CPEB1: variants seen among roughly 807,000 people sequenced by gnomAD.
CPEB1 encodes cytoplasmic polyadenylation element binding protein 1, also known as cytoplasmic polyadenylation element-binding protein 1.
In CPEB1, 7 loss-of-function variants were observed where a neutral mutation model predicts 65.8. The ratio of observed to expected loss-of-function variants is 0.11; its 90% CI spans 0.06 to 0.20. The LOEUF is 0.20. Among genes scored for constraint, CPEB1 ranks in the 10% least tolerant of loss-of-function variants. The pLI is 1.00. For synonymous variants in CPEB1, 262 were observed against 260.0 expected, an observed-to-expected ratio of 1.01 and a Z score of -0.08; for missense variants, 551 against 712.2, an observed-to-expected ratio of 0.77 and a Z score of 2.58.
chr15:82,579,918 CAAAAAAAAAAAAAAAAAAAA>C lies in CPEB1; in HGVS notation c.272-8406_272-8387del, dbSNP rs59925251. Reference sequence around the variant, plus strand: ...TGGGCGACAGAGTGAGACTCCGTCTCAAAAAAAAAAAAAAAAAAAAAAAAAAAAAAAAAAAAAAAGACTCT... The same window carrying C: ...TGGGCGACAGAGTGAGACTCCGTCTCAAAAAAAAAAAAAAAAAAAGACTCT... On this transcript the variant is annotated intron_variant, in intron 3 of 12. Transcript: ENST00000684509. Among the ~76,000 whole-genome samples, 212 of 32,644 alleles carry C rather than the reference CAAAAAAAAAAAAAAAAAAAA, an allele frequency of 6.5e-3. 1 individual carries two copies. Among genetic ancestry groups the C allele is most frequent in the African/African-American group, 0.015 (190 of 12,802 alleles). The allele number at this position is 32,644 out of a possible 152,430, so 21.4% of individuals were successfully genotyped here.
Position 82,544,349 on chromosome 15 carries a change from G to A in CPEB1, c.*243C>T, listed in dbSNP as rs914438531. ...TAAAATCTGGGAAAACTACAGAGTC[G>A]CTTGGAGGGTAAGCCAGAGGGTCCT... On this transcript the variant is annotated 3_prime_UTR_variant, in exon 13 of 13. Coordinates refer to ENST00000684509, the MANE Select transcript of CPEB1 (RefSeq NM_001365242.1). The A allele has an allele frequency of 4.5e-5, 16 of 354,196 alleles. No homozygotes were observed. Among genetic ancestry groups the A allele is most frequent in the Middle Eastern group, 7.8e-4 (1 of 1,288 alleles). The allele number at this position is 354,196 out of a possible 1,614,324, so 21.9% of individuals were successfully genotyped here.
chr15:82,547,288 ACTT>A, intron 10 of CPEB1, 51 bp from the exon 11 acceptor site: 17 of 642,678 alleles, frequency 2.6e-5, no homozygotes, highest in Non-Finnish European at 3.9e-5. Flanking sequence ...CCCAAATGCT[ACTT>A]TTTTTTTTTT....
Position 82,628,470 on chromosome 15 carries a change from G to A in CPEB1, c.-11C>T, listed in dbSNP as rs1461824672. ...AATGCCAGAAAACATATTGACATTA[G>A]ATGATCTGGCAAAAGGGTTCCGATT... On this transcript the variant is annotated 5_prime_UTR_variant, in exon 2 of 13. Coordinates refer to ENST00000684509, the MANE Select transcript of CPEB1 (RefSeq NM_001365242.1). 2.8e-6 allele frequency: 2 copies of A among 702,844 alleles called. No homozygotes were observed. Among genetic ancestry groups the A allele is most frequent in the East Asian group, 5.4e-5 (2 of 37,284 alleles). 43.5% of individuals were successfully genotyped at this position (702,844 alleles called of 1,614,324 possible).
At chr15:82,544,724 G>A in intron 12 of CPEB1, 22 bp from the exon 13 acceptor site, 1 of 1,572,266 alleles carries the variant, frequency 6.4e-7, no homozygotes, top group African/African-American at 1.3e-5. Flanking sequence ...GAACAAAAAG[G>A]AGGATGCCAT....
intron 3 of CPEB1, chr15:82,573,252 A>C: frequency 7.8e-6 from 9 of 1,148,900 alleles, no homozygotes; most frequent in East Asian, 2.7e-5. Context: ...TTTTTTTTAA[A>C]GCTTTGCTGC....
At chr15:82,617,724 GTTTTTTTT>G (rs35267620) in intron 3 of CPEB1, among the ~76,000 whole-genome samples, 197 of 83,838 alleles carry the variant, frequency 2.3e-3, no homozygotes, top group African/African-American at 9.2e-3. Context: ...TTCTATTAAA[GTTTTTTTT>G]TTTTTTTTTT....
chr15:82,590,527 A>G (rs2042164599), intron 3 of CPEB1, among the ~76,000 whole-genome samples: 1 of 152,076 alleles, frequency 6.6e-6, no homozygotes, highest in African/African-American at 2.4e-5. Context: ...TTTTTTTTTA[A>G]GTTCAGCGAT....
intron 4 of CPEB1, among the ~76,000 whole-genome samples, chr15:82,562,629 C>T (rs1398525900): frequency 6.6e-6 from 1 of 151,560 alleles, no homozygotes; most frequent in Non-Finnish European, 1.5e-5. Flanking sequence ...TGCTTGAGAC[C>T]AGGAGTTCAA....
chr15:82,634,389 G>A (rs1230013478), intron 1 of CPEB1, among the ~76,000 whole-genome samples: 2 of 152,138 alleles, frequency 1.3e-5, no homozygotes, highest in African/African-American at 4.8e-5. Context: ...GTGATAGGAT[G>A]GCCATTCTGG....
chr15:82,552,297 TGC>T (rs1264352142), intron 9 of CPEB1, among the ~76,000 whole-genome samples, 181 bp downstream of exon 9: 1 of 137,418 alleles, frequency 7.3e-6, no homozygotes, highest in East Asian at 2.1e-4. Context: ...TCCCAAAGGT[TGC>T]TTTTTTTTTT....
chr15:82,619,777 C>G (rs958927829), intron 3 of CPEB1, among the ~76,000 whole-genome samples: 15 of 152,128 alleles, frequency 9.9e-5, no homozygotes, highest in Admixed American at 7.8e-4. Context: ...AAAGACAATA[C>G]AATTATTGAT....
chr15:82,561,750 G>A (rs147472013), intron 4 of CPEB1, among the ~76,000 whole-genome samples: 2,688 of 152,228 alleles, frequency 0.018, 31 homozygotes, highest in Non-Finnish European at 0.025. Context: ...GCCTACAAAG[G>A]TATCTTGAGG....
At chr15:82,629,181 C>T in intron 1 of CPEB1, 2 of 759,584 alleles carry the variant, frequency 2.6e-6, no homozygotes, top group South Asian at 6.0e-5. Flanking sequence ...TACTTAACCT[C>T]TATCCCTCAG....
rs35946080 is a variant in CPEB1, at chr15:82,544,272, GTTTTTTTTTTTTT to G, written c.*307_*319del. On this transcript the variant is annotated 3_prime_UTR_variant, in exon 13 of 13. Coordinates refer to ENST00000684509, the MANE Select transcript of CPEB1 (RefSeq NM_001365242.1). ...TACCTCAATACCTTCTGGACACGTA[GTTTTTTTTTTTTT>G]TTTTTTTTTCCCCGCTTTTCATCTG... The G allele has an allele frequency of 1.2e-3, 152 of 131,140 alleles. 2 individuals carry two copies. The highest frequency in any genetic ancestry group is 4.7e-3 in the African/African-American group (146 of 31,318). 8.1% of individuals were successfully genotyped at this position (131,140 alleles called of 1,614,324 possible).
At chr15:82,616,269 A>C (rs181814014) in intron 3 of CPEB1, among the ~76,000 whole-genome samples, 2 of 152,034 alleles carry the variant, frequency 1.3e-5, no homozygotes, top group African/African-American at 2.4e-5. Flanking sequence ...TAAACTGTGC[A>C]TTTTCCTCAG....
chr15:82,576,404 C>G (rs983014976), intron 3 of CPEB1, among the ~76,000 whole-genome samples: 2 of 152,160 alleles, frequency 1.3e-5, no homozygotes, highest in Non-Finnish European at 2.9e-5. Flanking sequence ...TCTAATGACA[C>G]ATTTAGAATT....
At chr15:82,630,622 A>G (rs1315392666) in intron 1 of CPEB1, among the ~76,000 whole-genome samples, 1 of 152,004 alleles carries the variant, frequency 6.6e-6, no homozygotes, top group African/African-American at 2.4e-5. Flanking sequence ...AAAAAGAAAG[A>G]AAAAGAACTA....
chr15:82,551,453 G>A (rs1246937590), intron 9 of CPEB1, among the ~76,000 whole-genome samples: 1 of 151,986 alleles, frequency 6.6e-6, no homozygotes, highest in Non-Finnish European at 1.5e-5. Flanking sequence ...GTTCACTCCT[G>A]GTGTTTCTTT....
upstream of CPEB1, chr15:82,648,740 C>G (rs587707316): frequency 6.6e-6 from 1 of 152,308 alleles, no homozygotes; most frequent in Admixed American, 6.5e-5. Flanking sequence ...AGGACGGCAC[C>G]GAGCGGCTCC....
Sources: allele counts gnomAD v4.1 joint callset (sites outside exome capture counted in the v4.1 genomes callset), GRCh38; gene constraint gnomAD v4.1.1; transcripts MANE v1.5; gene names NCBI Gene and HGNC (gene_info 2026-07-23, HGNC 2026-07-21).